Variants in SEC24B observed in about 807,000 individuals in gnomAD.
SEC24B encodes SEC24 homolog B, COPII component.
A neutral mutation model predicts 142.8 loss-of-function variants in SEC24B; 45 were observed. The observed-to-expected ratio is 0.32, with a 90% CI of 0.25 to 0.40. The LOEUF (loss-of-function observed/expected upper bound fraction) is 0.40. Ranked by LOEUF, SEC24B falls within the 10% of genes least tolerant of loss-of-function variation. SEC24B has a pLI of 1.00. For missense variants in SEC24B, 1,409 were observed against 1,526.8 expected, an observed-to-expected ratio of 0.92 and a Z score of 1.29; for synonymous variants, 574 against 568.2, an observed-to-expected ratio of 1.01 and a Z score of -0.15.
Position 109,494,695 on chromosome 4 carries a change from T to C in SEC24B, c.1327T>C (p.Ser443Pro), listed in dbSNP as rs747589922. 3 of 1,613,988 alleles carry C rather than the reference T, an allele frequency of 1.9e-6. No individual in the cohort carries two copies. Among genetic ancestry groups the C allele is most frequent in the Admixed American group, 1.7e-5 (1 of 60,008 alleles). Residue 443 changes from serine (S) to proline (P), a missense_variant, in exon 6 of 24, where the codon TCA becomes CCA. This residue lies in a region of SEC24B where 709 missense variants were observed against 673.5 expected (regional missense o/e 1.05). Transcript: ENST00000265175. ...PDPASAPAPA[S>P]APAPVVPQPS... ...TCCTGCTTCTGCTCCAGCTCCAGCT[T>C]CAGCTCCAGCTCCTGTCGTCCCTCA... is the stretch of plus-strand genomic sequence containing the variant.
chr4:109,449,883 T>C (rs1187683202), intron 1 of SEC24B, among the ~76,000 whole-genome samples: 1 of 152,120 alleles, frequency 6.6e-6, no homozygotes, highest in Non-Finnish European at 1.5e-5. Flanking sequence ...TCATGGTCTG[T>C]TTATTAGGAG....
intron 1 of SEC24B, among the ~76,000 whole-genome samples, chr4:109,461,544 G>T (rs1731256639): frequency 6.6e-6 from 1 of 152,102 alleles, no homozygotes; most frequent in Non-Finnish European, 1.5e-5. Flanking sequence ...AATACTTAAG[G>T]ATATTCAGCA....
At chr4:109,504,034 A>G (rs1275052867) in intron 6 of SEC24B, among the ~76,000 whole-genome samples, 2 of 152,140 alleles carry the variant, frequency 1.3e-5, no homozygotes, top group Non-Finnish European at 2.9e-5. Flanking sequence ...ACAGCTCTAC[A>G]GAAAAAAAGA....
In SEC24B at chr4:109,520,218, T is replaced by C; in HGVS notation, c.2127-148T>C. 3 of 580,928 alleles carry C rather than the reference T, an allele frequency of 5.2e-6. No individual in the cohort carries two copies. In the South Asian group the frequency reaches 6.5e-5, roughly 13 times the overall value. The allele number at this position is 580,928 out of a possible 1,614,324, so 36.0% of individuals were successfully genotyped here. ...CACCTTGGTCTTCTTCTCTGATATA[T>C]ATTTGTTTAGATAGGGATAATTTTT... On this transcript the variant is annotated intron_variant, in intron 11 of 23. Coordinates refer to ENST00000265175, the MANE Select transcript of SEC24B (RefSeq NM_006323.5).
intron 4 of SEC24B, among the ~76,000 whole-genome samples, chr4:109,482,957 T>TAC (rs1733894493): frequency 1.9e-5 from 1 of 53,556 alleles, no homozygotes; most frequent in East Asian, 4.1e-4. Context: ...TATATATATA[T>TAC]ATATATATAT....
At chr4:109,508,430 A>G (rs1038893071) in intron 7 of SEC24B, among the ~76,000 whole-genome samples, 2 of 152,006 alleles carry the variant, frequency 1.3e-5, no homozygotes, top group Non-Finnish European at 2.9e-5. Context: ...AGCTGAGCAT[A>G]GTGCCATGTG....
chr4:109,481,750 TGAG>T lies in SEC24B; in HGVS notation c.1137_1139del (p.Glu384del). The T allele has an allele frequency of 6.2e-7, 1 of 1,613,830 alleles. No individual in the cohort carries two copies. Among genetic ancestry groups the T allele is most frequent in the South Asian group, 1.1e-5 (1 of 91,064 alleles). On this transcript the variant is annotated inframe_deletion, in exon 4 of 24. Coordinates refer to ENST00000265175, the MANE Select transcript of SEC24B (RefSeq NM_006323.5). Reference sequence around the variant, plus strand: ...CTCCCTTGTCATCAACTTCCGATGATGAGGAAGAGGAGGAGGAGGATGAGGAAG... The same window carrying T: ...CTCCCTTGTCATCAACTTCCGATGATGAAGAGGAGGAGGAGGATGAGGAAG...
intron 23 of SEC24B, among the ~76,000 whole-genome samples, chr4:109,539,170 C>T (rs1464657137): frequency 1.3e-5 from 2 of 152,120 alleles, no homozygotes; most frequent in Non-Finnish European, 2.9e-5. Flanking sequence ...CCATGTTGGC[C>T]AGGCTGGTCT....
At chr4:109,536,865 C>T (rs1026069766) in intron 22 of SEC24B, among the ~76,000 whole-genome samples, 3 of 151,388 alleles carry the variant, frequency 2.0e-5, no homozygotes, top group Non-Finnish European at 2.9e-5. Context: ...GAATGGGTAA[C>T]GCCTTTGTAA....
chr4:109,450,375 C>T (rs774250630), intron 1 of SEC24B, among the ~76,000 whole-genome samples: 1 of 151,896 alleles, frequency 6.6e-6, no homozygotes, highest in African/African-American at 2.4e-5. Flanking sequence ...AAATTTCACT[C>T]ACAGCCAGGC....
rs1321722401 is a variant in SEC24B, at chr4:109,514,621, G to A, written c.2013+765G>A. Among the ~76,000 whole-genome samples, 3 of 152,138 alleles carry A rather than the reference G, an allele frequency of 2.0e-5. No homozygotes were observed. In the East Asian group the frequency reaches 5.8e-4, roughly 29 times the overall value. On this transcript the variant is annotated intron_variant, in intron 10 of 23. Coordinates refer to ENST00000265175, the MANE Select transcript of SEC24B (RefSeq NM_006323.5). ...GGCTGAGGCCGAGAATTGCTTGAACGTGGGAGGGGGAGGTTGCAGTGAGCC... is the reference window on the plus strand; with the variant it reads ...GGCTGAGGCCGAGAATTGCTTGAACATGGGAGGGGGAGGTTGCAGTGAGCC...
Position 109,539,635 on chromosome 4 carries a change from A to G in SEC24B, c.3767A>G (p.Tyr1256Cys), listed in dbSNP as rs749245877. ...CGGACAGAGGCTGCATTTTCTTACTATGAATTTTTGCTTCATGTTCAGCAG... is the reference window on the plus strand; with the variant it reads ...CGGACAGAGGCTGCATTTTCTTACTGTGAATTTTTGCTTCATGTTCAGCAG... Reference protein sequence around the residue: ...EDRTEAAFSYYEFLLHVQQQI... With the variant: ...EDRTEAAFSYCEFLLHVQQQI... Residue 1256 changes from tyrosine (Y) to cysteine (C), a missense_variant, in exon 24 of 24, where the codon TAT becomes TGT. Tyr to Cys is a radical substitution (Grantham distance 194). Transcript: ENST00000265175. The G allele has an allele frequency of 5.6e-6, 9 of 1,613,730 alleles. No homozygotes were observed. The highest frequency in any genetic ancestry group is 4.0e-5 in the African/African-American group (3 of 74,908).
intron 9 of SEC24B, among the ~76,000 whole-genome samples, 175 bp downstream of exon 9, chr4:109,512,258 A>C (rs1737420575): frequency 6.6e-6 from 1 of 152,314 alleles, no homozygotes; most frequent in Middle Eastern, 3.4e-3. Flanking sequence ...TGGCTGACCA[A>C]GGGGATAATT....
intron 1 of SEC24B, among the ~76,000 whole-genome samples, chr4:109,444,230 A>G (rs1729216647): frequency 6.6e-6 from 1 of 151,918 alleles, no homozygotes; most frequent in Non-Finnish European, 1.5e-5. Flanking sequence ...AAAAAAAAAA[A>G]AAGAATAGTT....
Position 109,521,486 on chromosome 4 carries a change from C to A in SEC24B, c.2368C>A (p.Leu790Ile). Reference sequence around the variant, plus strand: ...CAATACAAGAGAAACACACAGTGCCCTTGGTCCTGCACTTCAGGCTGCCTT... The same window carrying A: ...CAATACAAGAGAAACACACAGTGCCATTGGTCCTGCACTTCAGGCTGCCTT... Reference protein sequence around the residue: ...FTNTRETHSALGPALQAAFKL... With the variant: ...FTNTRETHSAIGPALQAAFKL... Residue 790 changes from leucine to isoleucine, a missense_variant, in exon 14 of 24, where the codon CTT becomes ATT. Around this residue, in one of 2 missense-constraint regions of SEC24B, gnomAD observed 700 missense variants for 853.3 expected, o/e 0.82. Transcript: ENST00000265175. 6.2e-7 allele frequency: 1 copy of A among 1,614,130 alleles called. No individual in the cohort carries two copies. Among genetic ancestry groups the A allele is most frequent in the Non-Finnish European group, 8.5e-7 (1 of 1,179,998 alleles).
chr4:109,445,967 C>CTT (rs34601695), intron 1 of SEC24B, among the ~76,000 whole-genome samples: 6,157 of 130,868 alleles, frequency 0.047, 157 homozygotes, highest in African/African-American at 0.07. Flanking sequence ...TTCTAAGATG[C>CTT]TTTTTTTTTT....
intron 7 of SEC24B, among the ~76,000 whole-genome samples, chr4:109,507,099 T>G (rs1736766746): frequency 6.6e-6 from 1 of 152,090 alleles, no homozygotes; most frequent in Admixed American, 6.6e-5. Context: ...GTGAATGAGC[T>G]CTGTTACTCA....
chr4:109,513,908 T>C, intron 10 of SEC24B, 52 bp downstream of exon 10: 1 of 1,169,324 alleles, frequency 8.6e-7, no homozygotes, highest in Non-Finnish European at 1.3e-6. Flanking sequence ...ATTGGTCATT[T>C]GTAATTTTCT....
intron 11 of SEC24B, among the ~76,000 whole-genome samples, chr4:109,518,803 C>CTTTTT (rs770507485): frequency 6.8e-5 from 8 of 117,886 alleles, no homozygotes; most frequent in African/African-American, 1.3e-4. Context: ...ATGTTTCTGT[C>CTTTTT]TTTTTTTTTT....
Sources: allele counts gnomAD v4.1 joint callset (sites outside exome capture counted in the v4.1 genomes callset), GRCh38; gene constraint gnomAD v4.1.1; regional missense constraint gnomAD v4.1.1; transcripts MANE v1.5; gene names NCBI Gene and HGNC (gene_info 2026-07-23, HGNC 2026-07-21).